The following CNTN6 variants were observed in gnomAD, a reference collection of about 807,000 sequenced individuals.
CNTN6 encodes contactin-6.
Under a neutral mutation model 122.8 loss-of-function variants are expected in CNTN6, and 137 were observed. That is an observed-to-expected ratio of 1.12 (90% CI 0.97 to 1.29). CNTN6 has a LOEUF of 1.29. Ranked by LOEUF, CNTN6 falls within the 50% of genes most tolerant of loss-of-function variation. The pLI is 0.00. For missense variants in CNTN6, 1,634 were observed against 1,223.4 expected, an observed-to-expected ratio of 1.34 and a Z score of -5.01; for synonymous variants, 570 against 426.0, an observed-to-expected ratio of 1.34 and a Z score of -4.16.
chr3:1,309,714 A>G lies in CNTN6; in HGVS notation c.761+11723A>G, dbSNP rs1450992318. On this transcript the variant is annotated intron_variant, in intron 7 of 22. Transcript: ENST00000446702. Reference sequence around the variant, plus strand: ...GGGATTGACTTAAATCTATTGATCAAGTTGGGAAGACTTGACACACTGACA... The same window carrying G: ...GGGATTGACTTAAATCTATTGATCAGGTTGGGAAGACTTGACACACTGACA... Among the ~76,000 whole-genome samples the G allele has an allele frequency of 1.3e-5, 2 of 152,194 alleles. 1 individual carries two copies. Among genetic ancestry groups the G allele is most frequent in the Admixed American group, 1.3e-4 (2 of 15,264 alleles).
At chr3:1,120,975 C>T (rs1242993818) in intron 1 of CNTN6, among the ~76,000 whole-genome samples, 1 of 123,428 alleles carries the variant, frequency 8.1e-6, no homozygotes, top group East Asian at 2.3e-4. Flanking sequence ...TGGAGATTAG[C>T]ATTATTCCTT....
rs561923165 is a variant in CNTN6, at chr3:1,272,725, GCCT to G, written c.359-5684_359-5682del. 2.1e-3 allele frequency among the ~76,000 whole-genome samples: 319 copies of G among 152,194 alleles called. 3 individuals are homozygous for G. The highest frequency in any genetic ancestry group is 7.3e-3 in the African/African-American group (303 of 41,534). On this transcript the variant is annotated intron_variant, in intron 4 of 22. Transcript: ENST00000446702. ...GCTTATGAGACTTGGCAAACCACTG[GCCT>G]CCTTCTGTGTCAGGGGCTGGCACTG...
intron 1 of CNTN6, among the ~76,000 whole-genome samples, chr3:1,143,874 G>T (rs1206483208): frequency 6.6e-6 from 1 of 152,208 alleles, no homozygotes; most frequent in Non-Finnish European, 1.5e-5. Flanking sequence ...ATTAGAGCTG[G>T]AAGAAACTTG....
intron 12 of CNTN6, among the ~76,000 whole-genome samples, chr3:1,364,236 G>A (rs565345911): frequency 3.9e-5 from 6 of 151,990 alleles, no homozygotes; most frequent in African/African-American, 1.4e-4. Context: ...GACATTGCAA[G>A]TTAACTAGCA....
intron 2 of CNTN6, among the ~76,000 whole-genome samples, chr3:1,162,199 A>G (rs1020960185): frequency 6.6e-6 from 1 of 152,168 alleles, no homozygotes; most frequent in Admixed American, 6.5e-5. Flanking sequence ...AACCCTCCCA[A>G]ATATTCTGAC....
chr3:1,228,143 G>A, intron 4 of CNTN6, 150 bp downstream of exon 4: 1 of 667,562 alleles, frequency 1.5e-6, no homozygotes, highest in Non-Finnish European at 2.4e-6. Flanking sequence ...TGTGAATCTA[G>A]ATTCTTGGGT....
chr3:1,232,343 A>T (rs1305853296), intron 4 of CNTN6, among the ~76,000 whole-genome samples: 1 of 152,170 alleles, frequency 6.6e-6, no homozygotes, highest in African/African-American at 2.4e-5. Flanking sequence ...ACCGGAGAAC[A>T]CCTAATTTAT....
At chr3:1,225,484 G>A (rs1464292112) in intron 3 of CNTN6, among the ~76,000 whole-genome samples, 8 of 152,176 alleles carry the variant, frequency 5.3e-5, no homozygotes, top group African/African-American at 1.9e-4. Flanking sequence ...TTAATTAGGA[G>A]CATGTAATGA....
chr3:1,382,949 C>G lies in CNTN6; in HGVS notation c.2174C>G (p.Pro725Arg). ...SELVITWESI[P>R]EELQNGEGFG... ...GATCACATTCTGCCCAAGTCAATTC[C>G]AGAAGAACTGCAGAATGGGGAGGGA... is the stretch of plus-strand genomic sequence containing the variant. The change falls in exon 18 of 23, where the codon CCA (proline) becomes CGA (arginine). Residue 725 changes from proline to arginine, a missense_variant. Coordinates refer to ENST00000446702, the MANE Select transcript of CNTN6 (RefSeq NM_001289080.2). 1.2e-6 allele frequency: 2 copies of G among 1,612,784 alleles called. No individual in the cohort carries two copies. The highest frequency in any genetic ancestry group is 1.7e-6 in the Non-Finnish European group (2 of 1,178,992).
chr3:1,211,793 C>G (rs2094041840), intron 2 of CNTN6, among the ~76,000 whole-genome samples: 1 of 152,124 alleles, frequency 6.6e-6, no homozygotes, highest in Admixed American at 6.6e-5. Context: ...CAGAGACTAG[C>G]ATCTCTTAAT....
Position 1,329,858 on chromosome 3 carries a change from C to G in CNTN6, c.1287C>G (p.Ile429Met). Residue 429 changes from isoleucine to methionine, a missense_variant, in exon 11 of 23, where the codon ATC becomes ATG. By Grantham distance (10) the Ile-to-Met change is conservative (BLOSUM62 1). Transcript: ENST00000446702. ...SFVQVGGDIV[I>M]GCKPNAFPRA... is the part of the protein sequence containing the mutation. ...TTCAAGTTGGTGGGGATATTGTTAT[C>G]GGATGCAAACCAAATGCTTTTCCCA... 6.2e-7 allele frequency: 1 copy of G among 1,610,822 alleles called. No individual in the cohort carries two copies. The highest frequency in any genetic ancestry group is 8.5e-7 in the Non-Finnish European group (1 of 1,177,958).
intron 2 of CNTN6, among the ~76,000 whole-genome samples, chr3:1,169,114 A>C (rs1261358006): frequency 6.6e-6 from 1 of 152,204 alleles, no homozygotes; most frequent in Non-Finnish European, 1.5e-5. Context: ...GGGAAAAGGC[A>C]GACATACTAG....
intron 5 of CNTN6, among the ~76,000 whole-genome samples, chr3:1,281,983 T>TAC (rs3836238): frequency 0.046 from 6,841 of 149,856 alleles, 281 homozygotes; most frequent in African/African-American, 0.12. Flanking sequence ...TATATAGGTA[T>TAC]ACACACACAC....
intron 2 of CNTN6, among the ~76,000 whole-genome samples, chr3:1,193,877 C>T (rs1305540040): frequency 2.0e-5 from 3 of 152,004 alleles, no homozygotes; most frequent in African/African-American, 4.8e-5. Context: ...CAGATCAATA[C>T]GTTTTAAGAA....
chr3:1,305,942 T>C (rs985547265), intron 7 of CNTN6, among the ~76,000 whole-genome samples: 8 of 152,226 alleles, frequency 5.3e-5, no homozygotes, highest in Non-Finnish European at 1.0e-4. Context: ...TCTTATAGTG[T>C]TTGCTTTTCG....
chr3:1,149,574 G>A (rs909412301), intron 2 of CNTN6, among the ~76,000 whole-genome samples: 1 of 152,106 alleles, frequency 6.6e-6, no homozygotes, highest in Non-Finnish European at 1.5e-5. Flanking sequence ...CACTAGCAAA[G>A]CTAGCAGCTA....
intron 2 of CNTN6, among the ~76,000 whole-genome samples, chr3:1,216,622 G>A (rs1049472959): frequency 2.0e-5 from 3 of 152,154 alleles, no homozygotes; most frequent in Non-Finnish European, 4.4e-5. Context: ...TAACAGCTGA[G>A]AAATCAGAGA....
chr3:1,255,030 T>C (rs1264294457), intron 4 of CNTN6, among the ~76,000 whole-genome samples: 1 of 152,128 alleles, frequency 6.6e-6, no homozygotes, highest in Non-Finnish European at 1.5e-5. Flanking sequence ...GCAACTGCAG[T>C]GATTTATTTC....
chr3:1,131,493 A>G (rs2125101346), intron 1 of CNTN6, among the ~76,000 whole-genome samples: 1 of 152,208 alleles, frequency 6.6e-6, no homozygotes, highest in South Asian at 2.1e-4. Context: ...CAGGGAAGCA[A>G]ATTAAACCCC....
Sources: gnomAD v4.1 joint callset for allele counts (sites outside exome capture counted in the v4.1 genomes callset) on GRCh38, gnomAD v4.1.1 for gene constraint, MANE v1.5 for transcripts, NCBI Gene and HGNC (gene_info 2026-07-23, HGNC 2026-07-21) for gene names.